The following MYO5B variants were observed in gnomAD, a reference collection of about 807,000 sequenced individuals.
MYO5B encodes the protein myosin VB, also known as unconventional myosin-Vb.
A neutral mutation model predicts 229.3 loss-of-function variants in MYO5B; 143 were observed. The observed-to-expected ratio is 0.62, with a 90% CI of 0.54 to 0.72. MYO5B has a LOEUF of 0.72. Among genes scored for constraint, MYO5B ranks in the 30% least tolerant of loss-of-function variants. The pLI, the probability that MYO5B is intolerant of heterozygous loss-of-function variation, is 0.00. For synonymous variants in MYO5B, 918 were observed against 885.2 expected (o/e 1.04, Z -0.66); for missense variants, 2,321 against 2,331.0 (o/e 1.00, Z 0.09).
At chr18:49,942,550 C>T (rs1023024788) in intron 14 of MYO5B, among the ~76,000 whole-genome samples, 170 of 151,934 alleles carry the variant, frequency 1.1e-3, no homozygotes, top group African/African-American at 3.6e-3. Flanking sequence ...AAAAAGTGGG[C>T]GCAGGATATG....
chr18:49,985,035 A>G (rs2025856467), intron 7 of MYO5B, among the ~76,000 whole-genome samples: 1 of 152,228 alleles, frequency 6.6e-6, no homozygotes, highest in South Asian at 2.1e-4. Context: ...ACACTGACAG[A>G]AATGTGCTGC....
At chr18:50,093,003 G>T (rs2144490913) in intron 1 of MYO5B, among the ~76,000 whole-genome samples, 1 of 152,172 alleles carries the variant, frequency 6.6e-6, no homozygotes, top group Middle Eastern at 3.4e-3. Flanking sequence ...AACATGCAGA[G>T]AAACTTTCAA....
chr18:50,079,293 A>G (rs1008257157), intron 1 of MYO5B, among the ~76,000 whole-genome samples: 11 of 152,252 alleles, frequency 7.2e-5, no homozygotes, highest in Admixed American at 4.6e-4. Flanking sequence ...ATGTGTGTCT[A>G]TATTGTCTCC....
intron 2 of MYO5B, among the ~76,000 whole-genome samples, chr18:50,050,747 T>C (rs746781869): frequency 1.1e-4 from 17 of 152,180 alleles, no homozygotes; most frequent in Non-Finnish European, 2.4e-4. Context: ...TCATGGGTTG[T>C]AACACTGCCA....
chr18:50,068,400 C>T (rs1402485308), intron 1 of MYO5B, among the ~76,000 whole-genome samples: 1 of 152,182 alleles, frequency 6.6e-6, no homozygotes, highest in East Asian at 1.9e-4. Context: ...CATTAGTTTT[C>T]CCCAGTGGCC....
At chr18:49,912,220 G>T in intron 17 of MYO5B, 47 bp from the exon 18 acceptor site, 1 of 1,479,780 alleles carries the variant, frequency 6.8e-7, no homozygotes, top group Non-Finnish European at 9.4e-7. Context: ...CTGCCTCTTG[G>T]CCACACAAAA....
intron 21 of MYO5B, among the ~76,000 whole-genome samples, chr18:49,896,538 C>A (rs1459938888): frequency 6.6e-6 from 1 of 152,150 alleles, no homozygotes; most frequent in East Asian, 1.9e-4. Flanking sequence ...CTGCTCTGGG[C>A]TGGACATGAG....
intron 1 of MYO5B, among the ~76,000 whole-genome samples, chr18:50,108,499 GC>G (rs1193357830): frequency 1.2e-4 from 19 of 152,236 alleles, no homozygotes; most frequent in African/African-American, 4.3e-4. Flanking sequence ...CATCGAATCA[GC>G]TGAGTCCACA....
At chr18:50,059,164 G>C (rs951647036) in intron 1 of MYO5B, among the ~76,000 whole-genome samples, 1 of 152,198 alleles carries the variant, frequency 6.6e-6, no homozygotes. Flanking sequence ...TCCTGGCACG[G>C]AACAGATGCT....
chr18:49,872,131 G>C (rs1434134437), intron 27 of MYO5B, 36 bp downstream of exon 27: 19 of 1,600,098 alleles, frequency 1.2e-5, no homozygotes, highest in Non-Finnish European at 1.6e-5. Flanking sequence ...TCTGCCAGGG[G>C]AGTGTTCCAG....
chr18:49,967,790 T>C (rs1216140506), intron 10 of MYO5B, among the ~76,000 whole-genome samples: 1 of 152,178 alleles, frequency 6.6e-6, no homozygotes, highest in Non-Finnish European at 1.5e-5. Flanking sequence ...GGATGCTGGC[T>C]GTACCTTGGA....
chr18:49,954,068 G>A (rs2025464117), intron 13 of MYO5B, among the ~76,000 whole-genome samples: 1 of 140,836 alleles, frequency 7.1e-6, no homozygotes, highest in Admixed American at 7.2e-5. Flanking sequence ...GTGTGTGTGT[G>A]TGTATTCATA....
intron 14 of MYO5B, among the ~76,000 whole-genome samples, chr18:49,941,486 A>C (rs990522089): frequency 6.6e-6 from 1 of 152,162 alleles, no homozygotes; most frequent in South Asian, 2.1e-4. Flanking sequence ...CAGAGTCTAA[A>C]TAGCTCCATG....
chr18:49,866,928 G>A (rs546260035), intron 27 of MYO5B, among the ~76,000 whole-genome samples: 2 of 152,318 alleles, frequency 1.3e-5, no homozygotes, highest in South Asian at 2.1e-4. Context: ...AAGGACAGGA[G>A]CAGCTAGCTA....
intron 1 of MYO5B, among the ~76,000 whole-genome samples, chr18:50,164,873 G>A (rs930050832): frequency 6.6e-6 from 1 of 152,196 alleles, no homozygotes; most frequent in Non-Finnish European, 1.5e-5. Context: ...GTCCCTTCTT[G>A]GAGCTGAAGT....
At chr18:49,954,022 A>ACATGTG (rs2025462195) in intron 13 of MYO5B, among the ~76,000 whole-genome samples, 1 of 129,814 alleles carries the variant, frequency 7.7e-6, no homozygotes. Context: ...GTATGTATTT[A>ACATGTG]TATGTGTGTG....
intron 1 of MYO5B, among the ~76,000 whole-genome samples, chr18:50,155,609 C>G (rs1040454287): frequency 1.3e-5 from 2 of 152,156 alleles, no homozygotes; most frequent in African/African-American, 2.4e-5. Flanking sequence ...TTGTTTTGCC[C>G]GGCACTCCCA....
At chr18:50,037,484 G>A (rs1024069115) in intron 3 of MYO5B, among the ~76,000 whole-genome samples, 2 of 152,156 alleles carry the variant, frequency 1.3e-5, no homozygotes, top group African/African-American at 4.8e-5. Context: ...TCTAATCTTG[G>A]CTCAGCCAAC....
chr18:49,850,204 G>A (rs1425201489), intron 31 of MYO5B: 2 of 188,524 alleles, frequency 1.1e-5, no homozygotes, highest in African/African-American at 4.7e-5. Flanking sequence ...GCCGCTGAGG[G>A]AGGAGTTTGC....
Sources: gnomAD v4.1 joint callset for allele counts (sites outside exome capture counted in the v4.1 genomes callset) on GRCh38, gnomAD v4.1.1 for gene constraint, MANE v1.5 for transcripts, NCBI Gene and HGNC (gene_info 2026-07-23, HGNC 2026-07-21) for gene names.